The following COL4A1 variants were observed in gnomAD, a reference collection of about 807,000 sequenced individuals.
The protein encoded by COL4A1 is collagen alpha-1(IV) chain.
A neutral mutation model predicts 216.6 loss-of-function variants in COL4A1; 40 were observed. That is an observed-to-expected ratio of 0.18 (90% CI 0.14 to 0.24). The LOEUF is 0.24. COL4A1 is among the 10% of genes least tolerant of loss of function. COL4A1 has a pLI of 1.00. For synonymous variants in COL4A1, 839 were observed against 810.7 expected, an observed-to-expected ratio of 1.03 and a Z score of -0.59; for missense variants, 1,628 against 2,196.8, an observed-to-expected ratio of 0.74 and a Z score of 5.18.
At chr13:110,246,273 T>C (rs1881807838) in intron 1 of COL4A1, among the ~76,000 whole-genome samples, 1 of 152,082 alleles carries the variant, frequency 6.6e-6, no homozygotes, top group Non-Finnish European at 1.5e-5. Flanking sequence ...TTCTGTCATA[T>C]AAGGGCCCGT....
intron 1 of COL4A1, among the ~76,000 whole-genome samples, chr13:110,264,416 C>T (rs554879707): frequency 2.0e-5 from 3 of 152,274 alleles, no homozygotes; most frequent in South Asian, 4.1e-4. Context: ...CTAACCCCTA[C>T]CTGCGCCCAA....
At chr13:110,187,392 G>GT in intron 24 of COL4A1, 63 bp from the exon 25 acceptor site, 1 of 1,575,454 alleles carries the variant, frequency 6.3e-7, no homozygotes, top group East Asian at 2.2e-5. Context: ...CAGTGTGACT[G>GT]TAACACAAGC....
chr13:110,283,843 C>T (rs996914185), intron 1 of COL4A1, among the ~76,000 whole-genome samples: 10 of 152,166 alleles, frequency 6.6e-5, no homozygotes, highest in African/African-American at 2.2e-4. Context: ...TTTCATGACC[C>T]TGAAGACTTT....
Position 110,306,954 on chromosome 13 carries a change from G to C in COL4A1, c.74C>G (p.Ala25Gly), listed in dbSNP as rs1188718847. Residue 25 changes from alanine to glycine, a missense_variant, in exon 1 of 52, where the codon GCC becomes GGC. Physicochemically the swap from Ala to Gly is moderately conservative, Grantham distance 60. Around this residue, in one of 8 missense-constraint regions of COL4A1, gnomAD observed 74 missense variants for 61.7 expected, o/e 1.20. Transcript: ENST00000375820. ...ALLLHEEHSR[A>G]AAKGGCAGSG... ...TGGCCGGGAACTCACCTTCGCAGCG[G>C]CCCGGCTGTGCTCCTCGTGGAGCAG... 2 of 1,474,412 alleles carry C rather than the reference G, an allele frequency of 1.4e-6. No individual in the cohort carries two copies. The highest frequency in any genetic ancestry group is 2.6e-5 in the South Asian group (2 of 77,566). The allele number at this position is 1,474,412 out of a possible 1,614,324, so 91.3% of individuals were successfully genotyped here. A position where few individuals can be genotyped will look rare whatever the true frequency, so the allele number is the denominator to read the frequency against.
At chr13:110,194,214 G>A (rs1312533593) in intron 22 of COL4A1, among the ~76,000 whole-genome samples, 2 of 152,164 alleles carry the variant, frequency 1.3e-5, no homozygotes, top group African/African-American at 4.8e-5. Flanking sequence ...CAGTGTATGT[G>A]GCTGTCAGAA....
chr13:110,231,899 C>T (rs1881083299), intron 2 of COL4A1, among the ~76,000 whole-genome samples: 1 of 152,238 alleles, frequency 6.6e-6, no homozygotes, highest in African/African-American at 2.4e-5. Flanking sequence ...TAACATGCTA[C>T]AGCGGGACGC....
intron 1 of COL4A1, among the ~76,000 whole-genome samples, chr13:110,274,914 C>T (rs929323976): frequency 6.6e-6 from 1 of 152,180 alleles, no homozygotes; most frequent in East Asian, 1.9e-4. Flanking sequence ...AATGTTGCAG[C>T]ACCTCAAAGG....
intron 49 of COL4A1, among the ~76,000 whole-genome samples, chr13:110,158,594 C>A (rs1876907352): frequency 6.6e-6 from 1 of 152,132 alleles, no homozygotes; most frequent in Middle Eastern, 3.4e-3. Context: ...CTGCTGATTT[C>A]TTTAAAGGGA....
chr13:110,246,381 C>T (rs766338791), intron 1 of COL4A1, among the ~76,000 whole-genome samples: 30 of 150,454 alleles, frequency 2.0e-4, no homozygotes, highest in Non-Finnish European at 3.7e-4. Flanking sequence ...CTGAGTACCC[C>T]CTTCACTCAG....
chr13:110,259,090 C>G (rs931470129), intron 1 of COL4A1, among the ~76,000 whole-genome samples: 1 of 152,240 alleles, frequency 6.6e-6, no homozygotes, highest in African/African-American at 2.4e-5. Flanking sequence ...CCATTTCTGA[C>G]GCGTGCGCCC....
In COL4A1 at chr13:110,163,521, A is replaced by AATACTTGGAGGTCCAGGT; in HGVS notation, c.4190_4191insACCTGGACCTCCAAGTAT (p.Gly1399_Phe1400insProProSerIleProGly). ...GGCCAGGGGCACCGTCAAACCCAGG[A>AATACTTGGAGGTCCAGGT]ATACCTGGAGGTCCAGGTATACCCA... On this transcript the variant is annotated inframe_insertion, in exon 47 of 52. Coordinates refer to ENST00000375820, the MANE Select transcript of COL4A1 (RefSeq NM_001845.6). The AATACTTGGAGGTCCAGGT allele has an allele frequency of 6.2e-7, 1 of 1,614,174 alleles. No homozygotes were observed. Among genetic ancestry groups the AATACTTGGAGGTCCAGGT allele is most frequent in the Non-Finnish European group, 8.5e-7 (1 of 1,180,014 alleles).
chr13:110,169,836 T>C (rs1210933398), intron 42 of COL4A1, 74 bp from the exon 43 acceptor site: 1 of 1,558,258 alleles, frequency 6.4e-7, no homozygotes, highest in East Asian at 2.4e-5. Flanking sequence ...GGGCTATCAA[T>C]ACTGCCACCC....
At chr13:110,260,977 C>T (rs1347966812) in intron 1 of COL4A1, among the ~76,000 whole-genome samples, 2 of 120,354 alleles carry the variant, frequency 1.7e-5, no homozygotes, top group African/African-American at 6.5e-5. Context: ...GTGGAGCTTG[C>T]AGTGAGCTGA....
At chr13:110,257,550 C>T (rs1882632889) in intron 1 of COL4A1, among the ~76,000 whole-genome samples, 1 of 152,170 alleles carries the variant, frequency 6.6e-6, no homozygotes, top group Non-Finnish European at 1.5e-5. Context: ...CTGGTCAAAG[C>T]CATGGTCTCT....
intron 2 of COL4A1, among the ~76,000 whole-genome samples, chr13:110,234,251 C>G (rs923945): frequency 0.77 from 117,517 of 151,738 alleles, 46,217 homozygotes; most frequent in East Asian, 0.99. Context: ...ATCCACCGAT[C>G]CACTCTTTCA....
intron 43 of COL4A1, among the ~76,000 whole-genome samples, chr13:110,168,335 T>G (rs1877440892): frequency 6.6e-6 from 1 of 152,204 alleles, no homozygotes; most frequent in Non-Finnish European, 1.5e-5. Flanking sequence ...TATATTTCTA[T>G]GTTACTGAGG....
At chr13:110,203,223 A>T (rs1566371346) in intron 18 of COL4A1, among the ~76,000 whole-genome samples, 1 of 152,154 alleles carries the variant, frequency 6.6e-6, no homozygotes, top group Non-Finnish European at 1.5e-5. Context: ...AAAAAAAAAA[A>T]GGAGTCAAAT....
At chr13:110,170,494 T>C in intron 42 of COL4A1, 53 bp downstream of exon 42, 1 of 1,533,046 alleles carries the variant, frequency 6.5e-7, no homozygotes, top group Non-Finnish European at 8.8e-7. Flanking sequence ...GCTATTTCCT[T>C]TTGTGAATTC....
intron 46 of COL4A1, 123 bp downstream of exon 46, chr13:110,164,739 T>C (rs1877255433): frequency 1.4e-6 from 2 of 1,392,910 alleles, no homozygotes; most frequent in East Asian, 2.5e-5. Context: ...AAGAAACTCA[T>C]ATTCATATGT....
Sources: allele counts gnomAD v4.1 joint callset (sites outside exome capture counted in the v4.1 genomes callset), GRCh38; gene constraint gnomAD v4.1.1; regional missense constraint gnomAD v4.1.1; transcripts MANE v1.5; gene names NCBI Gene and HGNC (gene_info 2026-07-23, HGNC 2026-07-21).